Variants in MICALL1 observed in about 807,000 individuals in gnomAD.
The protein encoded by MICALL1 is MICAL-like protein 1.
In MICALL1, 61 loss-of-function variants were observed where a neutral mutation model predicts 83.7. That is an observed-to-expected ratio of 0.73 (90% CI 0.59 to 0.90). The LOEUF (loss-of-function observed/expected upper bound fraction) is 0.90. Among genes scored for constraint, MICALL1 ranks in the 40% least tolerant of loss-of-function variants. MICALL1 has a pLI of 0.00. For missense variants in MICALL1, 1,066 were observed against 1,152.0 expected (o/e 0.93, Z 1.08); for synonymous variants, 481 against 473.6 (o/e 1.02, Z -0.20).
intron 3 of MICALL1, among the ~76,000 whole-genome samples, chr22:37,916,367 G>A (rs1295024575): frequency 6.6e-6 from 1 of 152,210 alleles, no homozygotes; most frequent in Admixed American, 6.5e-5. Flanking sequence ...GGTACAGTTT[G>A]TGCCTTTCAT....
chr22:37,917,935 C>A, intron 4 of MICALL1, 140 bp downstream of exon 4: 2 of 745,258 alleles, frequency 2.7e-6, no homozygotes, highest in Non-Finnish European at 2.2e-6. Flanking sequence ...TGTCCCTGCC[C>A]TATTGGCTTT....
At position 37,932,035 on chromosome 22, in the gene MICALL1, G is replaced by C. The variant is rs1929818729; in HGVS notation, c.2016+102G>C. On this transcript the variant is annotated intron_variant, in intron 10 of 15. Coordinates refer to ENST00000215957, the MANE Select transcript of MICALL1 (RefSeq NM_033386.4). The surrounding 1 kb of genome is among the most constrained non-coding windows in gnomAD (Gnocchi z 4.4). ...GGACTCTAAGGAGGCTGGCTGGCTA[G>C]GCAGTGGGCCTCAGATGCTCAAGAG... The C allele has an allele frequency of 4.0e-6, 6 of 1,505,010 alleles. No individual in the cohort carries two copies. The highest frequency in any genetic ancestry group is 5.3e-6 in the Non-Finnish European group (6 of 1,126,524). The allele number at this position is 1,505,010 out of a possible 1,614,324, so 93.2% of individuals were successfully genotyped here. A position where few individuals can be genotyped will look rare whatever the true frequency, so the allele number is the denominator to read the frequency against.
At chr22:37,922,796 G>GTTTTTTTTTTTT (rs574266914) in intron 6 of MICALL1, among the ~76,000 whole-genome samples, 29 of 69,186 alleles carry the variant, frequency 4.2e-4, no homozygotes, top group African/African-American at 7.0e-4. Flanking sequence ...GTTTTTTTTT[G>GTTTTTTTTTTTT]TTTTTTTTTT....
At chr22:37,912,789 G>A (rs1928419300) in intron 3 of MICALL1, among the ~76,000 whole-genome samples, 1 of 151,020 alleles carries the variant, frequency 6.6e-6, no homozygotes, top group Non-Finnish European at 1.5e-5. Flanking sequence ...AGACTCCCAA[G>A]TAGCTGGGAT....
chr22:37,909,797 G>T (rs1451370757), intron 1 of MICALL1, among the ~76,000 whole-genome samples: 3 of 152,346 alleles, frequency 2.0e-5, no homozygotes, highest in African/African-American at 7.2e-5. Flanking sequence ...GAGAAGCTGA[G>T]GCCCAGGTCC....
At chr22:37,940,466 T>C (rs1293714278) in intron 15 of MICALL1, among the ~76,000 whole-genome samples, 1 of 151,778 alleles carries the variant, frequency 6.6e-6, no homozygotes, top group Non-Finnish European at 1.5e-5. Flanking sequence ...TTACATGTGC[T>C]GACCATCTTG....
rs8140624 is a variant in MICALL1, at chr22:37,926,097, G to A, written c.1465+54G>A. ...CAGTCGGAACTCGGGGGTGGGGCCC[G>A]GGCCTGGGGAGGGGGTGTGGTGGGG... On this transcript the variant is annotated intron_variant, in intron 8 of 15. Coordinates refer to ENST00000215957, the MANE Select transcript of MICALL1 (RefSeq NM_033386.4). The A allele has an allele frequency of 7.6e-4, 1,151 of 1,519,164 alleles. 6 individuals are homozygous for A. In the African/African-American group the frequency reaches 0.013, roughly 17 times the overall value. The allele number at this position is 1,519,164 out of a possible 1,614,324, so 94.1% of individuals were successfully genotyped here.
At chr22:37,938,952 C>T (rs1930286620) in intron 15 of MICALL1, among the ~76,000 whole-genome samples, 1 of 152,074 alleles carries the variant, frequency 6.6e-6, no homozygotes, top group African/African-American at 2.4e-5. Flanking sequence ...AACGGGGTTT[C>T]ATCATGTTGA....
In MICALL1 at chr22:37,930,018, C is replaced by T. The variant is rs1311381853; in HGVS notation, c.1882-1781C>T. ...TCGGGCTCCCACAGATGGTGAGGGG[C>T]TGGCGGCACCAAGTGTCCTGAGTGC... On this transcript the variant is annotated intron_variant, in intron 9 of 15. Coordinates refer to ENST00000215957, the MANE Select transcript of MICALL1 (RefSeq NM_033386.4). The surrounding 1 kb of genome is among the most constrained non-coding windows in gnomAD (Gnocchi z 4.8). Among the ~76,000 whole-genome samples the T allele has an allele frequency of 6.6e-6, 1 of 152,242 alleles. No homozygotes were observed. The highest frequency in any genetic ancestry group is 6.5e-5 in the Admixed American group (1 of 15,286).
At position 37,912,426 on chromosome 22, in the gene MICALL1, C is replaced by G; in HGVS notation, c.271C>G (p.Pro91Ala). 3 of 1,614,010 alleles carry G rather than the reference C, an allele frequency of 1.9e-6. No homozygotes were observed. The highest frequency in any genetic ancestry group is 2.5e-6 in the Non-Finnish European group (3 of 1,179,918). ...DPNDMVSMSV[P>A]DCLSIMTYVS... Reference sequence around the variant, plus strand: ...CAATGACATGGTCTCCATGAGCGTCCCTGACTGCCTCAGCATCATGACCTA... The same window carrying G: ...CAATGACATGGTCTCCATGAGCGTCGCTGACTGCCTCAGCATCATGACCTA... Residue 91 changes from proline to alanine, a missense_variant, in exon 3 of 16, where the codon CCT (proline) becomes GCT (alanine). Transcript: ENST00000215957.
intron 10 of MICALL1, 37 bp downstream of exon 10, chr22:37,931,970 G>C: frequency 6.2e-7 from 1 of 1,604,280 alleles, no homozygotes. Context: ...AGGCTGGCCT[G>C]GGCTGGCAAC....
chr22:37,913,622 G>A (rs547973172), intron 3 of MICALL1, among the ~76,000 whole-genome samples: 3 of 152,322 alleles, frequency 2.0e-5, no homozygotes, highest in Admixed American at 2.0e-4. Flanking sequence ...GGTTCTGAGT[G>A]AGGTCACTGG....
chr22:37,909,945 C>CAG (rs977331373), intron 1 of MICALL1, among the ~76,000 whole-genome samples: 3 of 152,196 alleles, frequency 2.0e-5, no homozygotes, highest in African/African-American at 7.2e-5. Context: ...TGGGTGAACC[C>CAG]AGTGTTGGCC....
At chr22:37,937,906 C>A in intron 15 of MICALL1, 114 bp downstream of exon 15, 1 of 1,317,428 alleles carries the variant, frequency 7.6e-7, no homozygotes, top group Non-Finnish European at 1.1e-6. Context: ...GATGGCTGTG[C>A]ACAAACTCCG....
intron 5 of MICALL1, 44 bp downstream of exon 5, chr22:37,919,222 G>A (rs1474547746): frequency 9.5e-6 from 14 of 1,472,754 alleles, no homozygotes; most frequent in Middle Eastern, 2.3e-4. Flanking sequence ...CCAGGGAGGG[G>A]GCTACCGTGG....
intron 5 of MICALL1, among the ~76,000 whole-genome samples, chr22:37,920,930 A>G (rs1284840599): frequency 6.6e-6 from 1 of 151,934 alleles, no homozygotes; most frequent in Non-Finnish European, 1.5e-5. Context: ...CGTCTCAAAA[A>G]AAAAAAAATT....
At chr22:37,936,226 C>T (rs951870498) in intron 13 of MICALL1, among the ~76,000 whole-genome samples, 1 of 152,152 alleles carries the variant, frequency 6.6e-6, no homozygotes, top group Non-Finnish European at 1.5e-5. Flanking sequence ...CAGGTGTGCC[C>T]AGCTTCAGGG....
At chr22:37,925,599 A>C in intron 7 of MICALL1, 62 bp from the exon 8 acceptor site, 2 of 1,286,822 alleles carry the variant, frequency 1.6e-6, no homozygotes, top group Non-Finnish European at 2.2e-6. Flanking sequence ...AACTGTCTAG[A>C]GAGAGAAGGA....
rs953149100 is a variant in MICALL1, at chr22:37,924,375, G to T, written c.1025-285G>T. Among the ~76,000 whole-genome samples the T allele has an allele frequency of 1.3e-5, 2 of 152,200 alleles. No individual in the cohort carries two copies. The highest frequency in any genetic ancestry group is 4.8e-5 in the African/African-American group (2 of 41,454). On this transcript the variant is annotated intron_variant, in intron 6 of 15. Coordinates refer to ENST00000215957, the MANE Select transcript of MICALL1 (RefSeq NM_033386.4). The surrounding 1 kb of genome is among the most constrained non-coding windows in gnomAD (Gnocchi z 5.2). ...TCCAGGAGGAGGTGGCTCCCAGGCTGACTTGAGATGATGTTTTCTGCCCAC... is the reference window on the plus strand; with the variant it reads ...TCCAGGAGGAGGTGGCTCCCAGGCTTACTTGAGATGATGTTTTCTGCCCAC...
Sources: gnomAD v4.1 joint callset for allele counts (sites outside exome capture counted in the v4.1 genomes callset) on GRCh38, gnomAD v4.1.1 for gene constraint, Gnocchi (gnomAD v3.1) non-coding constraint, MANE v1.5 for transcripts, NCBI Gene and HGNC (gene_info 2026-07-23, HGNC 2026-07-21) for gene names.